Variants in NCOR2 observed in about 807,000 individuals in gnomAD.
NCOR2 encodes CTG repeat protein 26.
Under a neutral mutation model 262.9 loss-of-function variants are expected in NCOR2, and 81 were observed. The ratio of observed to expected loss-of-function variants is 0.31; its 90% CI spans 0.26 to 0.37. The LOEUF (loss-of-function observed/expected upper bound fraction) is 0.37. NCOR2 is among the 10% of genes least tolerant of loss of function. The probability of loss-of-function intolerance (pLI) is 1.00; values close to 1 mark genes in which losing one functional copy is unlikely to be tolerated. For synonymous variants in NCOR2, 1,659 were observed against 1,559.3 expected (o/e 1.06, Z -1.51); for missense variants, 3,385 against 3,621.4 (o/e 0.93, Z 1.68).
In NCOR2 at chr12:124,392,036, A is replaced by G. The variant is rs138069885; in HGVS notation, c.1876+6083T>C. Among the ~76,000 whole-genome samples the G allele has an allele frequency of 4.1e-3, 625 of 152,256 alleles. 3 individuals carry two copies. The highest frequency in any genetic ancestry group is 0.014 in the African/African-American group (567 of 41,548). On this transcript the variant is annotated intron_variant, in intron 16 of 46. Transcript: ENST00000405201. ...CCTGTGCAAAGCAGAAGTCGTGTGTATGCGTGCGTGTGTACACACGCGTGT... is the reference window on the plus strand; with the variant it reads ...CCTGTGCAAAGCAGAAGTCGTGTGTGTGCGTGCGTGTGTACACACGCGTGT...
At chr12:124,354,721 C>T in intron 25 of NCOR2, 116 bp downstream of exon 27, 3 of 1,290,424 alleles carry the variant, frequency 2.3e-6, no homozygotes, top group Non-Finnish European at 3.2e-6. Context: ...GAGGGGGGAC[C>T]TCCCAGCTGC....
At chr12:124,398,241 C>T (rs1178752184) in intron 15 of NCOR2, 60 bp from the exon 18 acceptor site, 2 of 1,572,458 alleles carry the variant, frequency 1.3e-6, no homozygotes, top group Non-Finnish European at 1.7e-6. Context: ...TTGCCTTCTG[C>T]CCTTTTCTCT....
At chr12:124,477,358 C>T (rs1008710735) in intron 3 of NCOR2, among the ~76,000 whole-genome samples, 34 of 152,326 alleles carry the variant, frequency 2.2e-4, no homozygotes, top group South Asian at 8.3e-4. Context: ...CCTTCCACCA[C>T]GACTGTGAGT....
intron 11 of NCOR2, among the ~76,000 whole-genome samples, chr12:124,425,736 G>A (rs1223264630): frequency 6.6e-6 from 1 of 152,106 alleles, no homozygotes; most frequent in African/African-American, 2.4e-5. Context: ...CCCCTCCCTG[G>A]CCCCATTCAC....
At chr12:124,372,816 G>A (rs866395449) in intron 19 of NCOR2, among the ~76,000 whole-genome samples, 83 of 152,188 alleles carry the variant, frequency 5.5e-4, no homozygotes, top group South Asian at 1.9e-3. Context: ...TGCTGCCCTC[G>A]CCTGGCCGCC....
At chr12:124,536,139 T>G (rs1210687727), upstream of NCOR2, among the ~76,000 whole-genome samples, 1 of 152,206 alleles carries the variant, frequency 6.6e-6, no homozygotes, top group Admixed American at 6.5e-5. Context: ...TCACTCAGGC[T>G]GGGGTGCAAT....
chr12:124,467,743 A>ATCT (rs2046538169), intron 4 of NCOR2, among the ~76,000 whole-genome samples: 2 of 49,036 alleles, frequency 4.1e-5, no homozygotes, highest in Non-Finnish European at 8.1e-5. Flanking sequence ...TCATCACCCC[A>ATCT]TCACCCTCAT....
chr12:124,533,984 G>T (rs1286857931), intron 1 of NCOR2, among the ~76,000 whole-genome samples: 1 of 149,312 alleles, frequency 6.7e-6, no homozygotes, highest in Non-Finnish European at 1.5e-5. Context: ...TGTATTTTCT[G>T]GGTGGCCCAA....
At chr12:124,446,632 C>T (rs1048054927) in intron 7 of NCOR2, among the ~76,000 whole-genome samples, 7 of 152,144 alleles carry the variant, frequency 4.6e-5, no homozygotes, top group African/African-American at 1.7e-4. Context: ...CTGCCCTGAC[C>T]TCTCTGGCTA....
intron 1 of NCOR2, among the ~76,000 whole-genome samples, chr12:124,500,717 C>T (rs548268786): frequency 1.6e-4 from 25 of 152,274 alleles, no homozygotes; most frequent in African/African-American, 5.5e-4. Flanking sequence ...CTGCATTCCT[C>T]TCCAGCTCCG....
At chr12:124,336,047 T>G in intron 38 of NCOR2, 1 of 185,898 alleles carries the variant, frequency 5.4e-6, no homozygotes, top group Non-Finnish European at 1.1e-5. Flanking sequence ...GCCTGGGCTA[T>G]AGCCTCGGCC....
intron 29 of NCOR2, 30 bp downstream of exon 31, chr12:124,348,144 C>T (rs377680509): frequency 3.3e-5 from 53 of 1,605,988 alleles, no homozygotes; most frequent in Admixed American, 5.0e-5. Context: ...CAGGGGGCAC[C>T]GAGAGATGAA....
chr12:124,388,047 C>A (rs1369230393), intron 16 of NCOR2, among the ~76,000 whole-genome samples: 4 of 120,536 alleles, frequency 3.3e-5, no homozygotes, highest in African/African-American at 1.3e-4. Flanking sequence ...ATCATGGGGG[C>A]AGTGGGAGTG....
intron 12 of NCOR2, among the ~76,000 whole-genome samples, chr12:124,422,222 A>T (rs2043246460): frequency 6.6e-6 from 1 of 152,250 alleles, no homozygotes; most frequent in African/African-American, 2.4e-5. Flanking sequence ...GGCTCCAGGA[A>T]GCCTGGCCGT....
In NCOR2 at chr12:124,440,430, G is replaced by A. The variant is rs989920973; in HGVS notation, c.816-2434C>T. On this transcript the variant is annotated intron_variant, in intron 7 of 46. Coordinates refer to ENST00000405201, the Ensembl canonical transcript of NCOR2. The surrounding 1 kb of genome is among the most constrained non-coding windows in gnomAD (Gnocchi z 5.7). ...TCCATCAGTCTGGCCGCCGCCCCCCGGCCAGGGTGGGCCATGGGGGTCCTC... is the reference window on the plus strand; with the variant it reads ...TCCATCAGTCTGGCCGCCGCCCCCCAGCCAGGGTGGGCCATGGGGGTCCTC... 7.9e-5 allele frequency among the ~76,000 whole-genome samples: 12 copies of A among 152,146 alleles called. No homozygotes were observed. The highest frequency in any genetic ancestry group is 1.4e-4 in the African/African-American group (6 of 41,426).
intron 16 of NCOR2, among the ~76,000 whole-genome samples, chr12:124,395,137 G>C (rs377648008): frequency 6.6e-6 from 1 of 152,238 alleles, no homozygotes; most frequent in Non-Finnish European, 1.5e-5. Context: ...GCCACACAGA[G>C]AGTGAGGCAC....
In NCOR2 at chr12:124,504,010, A is replaced by T. The variant is rs2048917967; in HGVS notation, c.-117-8642T>A. The stretch of plus-strand genomic sequence containing the variant: ...CTGCTCCCCAAGTCCCAGCCTGCTG[A>T]GTAAGAAGGACCCTAGGGAAAACTG... On this transcript the variant is annotated intron_variant, in intron 1 of 46. Transcript: ENST00000404621. The surrounding 1 kb of genome is among the most constrained non-coding windows in gnomAD (Gnocchi z 4.5). Among the ~76,000 whole-genome samples, 3 of 152,082 alleles carry T rather than the reference A, an allele frequency of 2.0e-5. No individual in the cohort carries two copies. In the South Asian group the frequency reaches 6.2e-4, roughly 32 times the overall value.
At chr12:124,452,535 G>A (rs1844696561) in intron 6 of NCOR2, among the ~76,000 whole-genome samples, 1 of 152,242 alleles carries the variant, frequency 6.6e-6, no homozygotes, top group South Asian at 2.1e-4. Context: ...GGATAGCCCA[G>A]AAAATTTCAG....
At chr12:124,347,886 C>T (rs781039907) in exon 30 of NCOR2, 76 of 1,565,816 alleles carry the variant, frequency 4.9e-5, no homozygotes, top group African/African-American at 1.6e-4. Flanking sequence ...TGTGTCGCTC[C>T]GGCGGGATGG....
Sources: gnomAD v4.1 joint callset for allele counts (sites outside exome capture counted in the v4.1 genomes callset) on GRCh38, gnomAD v4.1.1 for gene constraint, Gnocchi (gnomAD v3.1) non-coding constraint, MANE v1.5 for transcripts, NCBI Gene and HGNC (gene_info 2026-07-23, HGNC 2026-07-21) for gene names.